Variants in DUSP12 observed in about 807,000 individuals in gnomAD.
DUSP12 encodes dual specificity phosphatase 12.
DUSP12 carries 25 observed loss-of-function variants against 38.9 expected under a neutral mutation model. The observed-to-expected ratio is 0.64, with a 90% CI of 0.47 to 0.90. The LOEUF (loss-of-function observed/expected upper bound fraction) is 0.90, where lower values mean the gene tolerates loss of function less well. Ranked by LOEUF, DUSP12 falls within the 40% of genes least tolerant of loss-of-function variation. The pLI is 0.00. For synonymous variants in DUSP12, 153 were observed against 153.9 expected (o/e 0.99, Z 0.05); for missense variants, 403 against 427.0 (o/e 0.94, Z 0.50).
rs776516231 is a variant in DUSP12 at position 161,749,875 on chromosome 1, G to C, written c.74G>C (p.Gly25Ala). Residue 25 changes from glycine to alanine, a missense_variant, in exon 1 of 6, where the codon GGG becomes GCG. Gly to Ala is a moderately conservative substitution (Grantham distance 60, BLOSUM62 0). Coordinates refer to ENST00000367943, the MANE Select transcript of DUSP12 (RefSeq NM_007240.3). ...NPSASRVSCA[G>A]QMLEVQPGLY... ...AGCGCCAGCAGAGTCAGCTGTGCCG[G>C]GCAGATGCTGGAAGTGCAGCCAGGA... The C allele has an allele frequency of 6.2e-7, 1 of 1,611,652 alleles. No individual in the cohort carries two copies. Among genetic ancestry groups the C allele is most frequent in the Non-Finnish European group, 8.5e-7 (1 of 1,179,024 alleles).
rs150594405 is a variant in DUSP12 at position 161,749,847 on chromosome 1, C to G, written c.46C>G (p.Pro16Ala). Residue 16 changes from proline to alanine, a missense_variant, in exon 1 of 6, where the codon CCC (proline) becomes GCC (alanine). Physicochemically the swap from Pro to Ala is conservative, Grantham distance 27. Coordinates refer to ENST00000367943, the MANE Select transcript of DUSP12 (RefSeq NM_007240.3). Reference sequence around the variant, plus strand: ...GAGTGATGGCTGCGAGCTCAGCAACCCCAGCGCCAGCAGAGTCAGCTGTGC... The same window carrying G: ...GAGTGATGGCTGCGAGCTCAGCAACGCCAGCGCCAGCAGAGTCAGCTGTGC... ...GPSDGCELSN[P>A]SASRVSCAGQ... 6.2e-7 allele frequency: 1 copy of G among 1,603,220 alleles called. No homozygotes were observed. The highest frequency in any genetic ancestry group is 8.5e-7 in the Non-Finnish European group (1 of 1,175,264).
chr1:161,750,618 G>A (rs182152271), intron 1 of DUSP12, among the ~76,000 whole-genome samples: 2 of 152,268 alleles, frequency 1.3e-5, no homozygotes, highest in African/African-American at 4.8e-5. Context: ...GCTTTGCCTA[G>A]GGAGGAGATG....
At position 161,757,148 on chromosome 1, in the gene DUSP12, T is replaced by C. The variant is rs1189203171; in HGVS notation, c.*201T>C. 2.2e-6 allele frequency: 1 copy of C among 459,554 alleles called. No homozygotes were observed. Among genetic ancestry groups the C allele is most frequent in the Non-Finnish European group, 3.8e-6 (1 of 261,338 alleles). 28.5% of individuals were successfully genotyped at this position (459,554 alleles called of 1,614,324 possible). ...ATGTACATTTTATTTGATATTAAAA[T>C]CTTTTATAACCAGATACTGTCTGTG... On this transcript the variant is annotated 3_prime_UTR_variant, in exon 6 of 6. Coordinates refer to ENST00000367943, the MANE Select transcript of DUSP12 (RefSeq NM_007240.3).
chr1:161,750,249 C>G, intron 1 of DUSP12, 104 bp downstream of exon 1: 1 of 1,248,030 alleles, frequency 8.0e-7, no homozygotes, highest in Non-Finnish European at 1.1e-6. Context: ...CGCGGTCATG[C>G]CGCGTGAACC....
intron 5 of DUSP12, among the ~76,000 whole-genome samples, chr1:161,755,720 T>C (rs1236417476): frequency 4.6e-5 from 7 of 152,256 alleles, no homozygotes; most frequent in African/African-American, 1.7e-4. Flanking sequence ...CCTCTATATA[T>C]TCTAGATGTT....
Position 161,756,870 on chromosome 1 carries a change from G to A in DUSP12, c.946G>A (p.Ala316Thr). 1 of 1,613,902 alleles carries A rather than the reference G, an allele frequency of 6.2e-7. No homozygotes were observed. Among genetic ancestry groups the A allele is most frequent in the Non-Finnish European group, 8.5e-7 (1 of 1,179,832 alleles). Residue 316 changes from alanine (A) to threonine (T), a missense_variant, in exon 6 of 6, where the codon GCT becomes ACT. Ala to Thr is a moderately conservative substitution (Grantham distance 58). Transcript: ENST00000367943. ...CTCTTGTGGTAGGTGGATAACACCTGCTTTTCAAATACATAAGAATAGAGT... is the reference window on the plus strand; with the variant it reads ...CTCTTGTGGTAGGTGGATAACACCTACTTTTCAAATACATAAGAATAGAGT... ...QCSCGRWITP[A>T]FQIHKNRVDE... is the part of the protein sequence containing the mutation.
chr1:161,753,371 T>G (rs570008137), intron 5 of DUSP12, 110 bp downstream of exon 5: 1 of 945,904 alleles, frequency 1.1e-6, no homozygotes, highest in East Asian at 3.0e-5. Context: ...CTTAATTTCT[T>G]TATTTCTGAA....
In DUSP12 at chr1:161,756,999, T is replaced by C. The variant is rs1367663650; in HGVS notation, c.*52T>C. On this transcript the variant is annotated 3_prime_UTR_variant, in exon 6 of 6. Transcript: ENST00000367943. ...AACTTGCAGATGATATGTGCTGCCTTTGCTTCTTATCATTCATGGCAGATT... is the reference window on the plus strand; with the variant it reads ...AACTTGCAGATGATATGTGCTGCCTCTGCTTCTTATCATTCATGGCAGATT... 3 of 1,520,394 alleles carry C rather than the reference T, an allele frequency of 2.0e-6. No homozygotes were observed. The Admixed American group carries it at 5.6e-5, about 28-fold the overall frequency. The allele number at this position is 1,520,394 out of a possible 1,614,324, so 94.2% of individuals were successfully genotyped here. A position where few individuals can be genotyped will look rare whatever the true frequency, so the allele number is the denominator to read the frequency against.
In DUSP12 at chr1:161,752,472, A is replaced by G. The variant is rs562175294; in HGVS notation, c.674+8A>G. ...CAAGTGTAGAAAGTGCAGGTAAACT[A>G]TTTTATATCCTTTGGATATTTTATC... On this transcript the variant is annotated splice_region_variant and intron_variant, in intron 4 of 5. Coordinates refer to ENST00000367943, the MANE Select transcript of DUSP12 (RefSeq NM_007240.3). 9.6e-5 allele frequency: 149 copies of G among 1,559,492 alleles called. No homozygotes were observed. The highest frequency in any genetic ancestry group is 1.2e-4 in the Non-Finnish European group (140 of 1,134,416).
intron 5 of DUSP12, among the ~76,000 whole-genome samples, chr1:161,756,377 C>T (rs1258397796): frequency 6.6e-6 from 1 of 151,522 alleles, no homozygotes; most frequent in Non-Finnish European, 1.5e-5. Context: ...TATATGCTGT[C>T]AATACACACA....
In DUSP12 at chr1:161,750,062, G is replaced by C; in HGVS notation, c.261G>C (p.Glu87Asp). The C allele has an allele frequency of 1.9e-6, 3 of 1,614,048 alleles. No homozygotes were observed. Among genetic ancestry groups the C allele is most frequent in the Non-Finnish European group, 2.5e-6 (3 of 1,179,984 alleles). Residue 87 changes from glutamate to aspartate, a missense_variant, in exon 1 of 6, where the codon GAG becomes GAC. Physicochemically the swap from Glu to Asp is conservative, Grantham distance 45. Coordinates refer to ENST00000367943, the MANE Select transcript of DUSP12 (RefSeq NM_007240.3). Reference sequence around the variant, plus strand: ...TCGTGCCAGCGCTGGACAAACCCGAGACGGACCTACTCAGCCATCTGGACC... The same window carrying C: ...TCGTGCCAGCGCTGGACAAACCCGACACGGACCTACTCAGCCATCTGGACC... ...RLFVPALDKP[E>D]TDLLSHLDRC... is the part of the protein sequence containing the mutation.
At chr1:161,756,748 A>G (rs1334588787) in intron 5 of DUSP12, 38 bp from the exon 6 acceptor site, 1 of 1,604,878 alleles carries the variant, frequency 6.2e-7, no homozygotes, top group Non-Finnish European at 8.5e-7. Context: ...TTTTGTATAA[A>G]AGTGAATGAA....
In DUSP12 at chr1:161,756,864, A is replaced by G. The variant is rs188357155; in HGVS notation, c.940A>G (p.Thr314Ala). ...GEQCSCGRWI[T>A]PAFQIHKNRV... is the part of the protein sequence containing the mutation. ...ACAGTGCTCTTGTGGTAGGTGGATA[A>G]CACCTGCTTTTCAAATACATAAGAA... The change falls in exon 6 of 6, where the codon ACA (threonine) becomes GCA (alanine). Residue 314 changes from threonine to alanine, a missense_variant. By Grantham distance (58) the Thr-to-Ala change is moderately conservative. Transcript: ENST00000367943. 9.7e-5 allele frequency: 157 copies of G among 1,614,008 alleles called. No homozygotes were observed. Among genetic ancestry groups the G allele is most frequent in the Admixed American group, 7.2e-4 (43 of 60,026 alleles).
chr1:161,750,241 C>T, intron 1 of DUSP12, 96 bp downstream of exon 1: 2 of 1,359,018 alleles, frequency 1.5e-6, no homozygotes, highest in Non-Finnish European at 2.0e-6. Flanking sequence ...GACAAGAGCG[C>T]GGTCATGCCG....
At chr1:161,752,249 T>A (rs1037202081) in intron 3 of DUSP12, 119 bp from the exon 4 acceptor site, 1 of 806,994 alleles carries the variant, frequency 1.2e-6, no homozygotes, top group African/African-American at 1.8e-5. Flanking sequence ...GAATTTGATT[T>A]TTTTTTTTTT....
At chr1:161,751,298 T>A (rs909048385) in intron 1 of DUSP12, 2 of 165,088 alleles carry the variant, frequency 1.2e-5, no homozygotes, top group Admixed American at 6.0e-5. Flanking sequence ...TCTCACTTTG[T>A]TGCCCAGGCT....
At chr1:161,750,183 G>C in intron 1 of DUSP12, 38 bp downstream of exon 1, 1 of 1,578,388 alleles carries the variant, frequency 6.3e-7, no homozygotes. Context: ...GCCCCGCCAA[G>C]CTTCCAGCCG....
At chr1:161,751,296 TG>T (rs1684015389) in intron 1 of DUSP12, 1 of 165,422 alleles carries the variant, frequency 6.0e-6, no homozygotes. Flanking sequence ...GGTCTCACTT[TG>T]TTGCCCAGGC....
intron 5 of DUSP12, among the ~76,000 whole-genome samples, chr1:161,753,958 A>T (rs942613128): frequency 6.6e-6 from 1 of 152,132 alleles, no homozygotes; most frequent in African/African-American, 2.4e-5. Context: ...TGCTCCTGTA[A>T]CCAGTGGGTA....
Sources: gnomAD v4.1 joint callset for allele counts (sites outside exome capture counted in the v4.1 genomes callset) on GRCh38, gnomAD v4.1.1 for gene constraint, MANE v1.5 for transcripts, NCBI Gene and HGNC (gene_info 2026-07-23, HGNC 2026-07-21) for gene names.